The following PPARG variants were observed in gnomAD, a reference collection of about 807,000 sequenced individuals.
PPARG encodes the protein peroxisome proliferator activated receptor gamma.
In PPARG, 17 loss-of-function variants were observed where a neutral mutation model predicts 39.2. The observed-to-expected ratio is 0.43, with a 90% confidence interval of 0.30 to 0.65. The LOEUF (loss-of-function observed/expected upper bound fraction) is 0.65, where lower values mean the gene tolerates loss of function less well. PPARG is among the 30% of genes least tolerant of loss of function. PPARG has a pLI of 0.13. For synonymous variants in PPARG, 223 were observed against 215.7 expected (o/e 1.03, Z -0.30); for missense variants, 406 against 585.9 (o/e 0.69, Z 3.17).
At chr3:12,288,232 C>A (rs1349143740), upstream of PPARG, among the ~76,000 whole-genome samples, 1 of 151,466 alleles carries the variant, frequency 6.6e-6, no homozygotes, top group East Asian at 2.0e-4. Context: ...CCGGCAGGAC[C>A]CGGACTGACG....
At chr3:12,347,336 A>G (rs1414073378) in intron 2 of PPARG, among the ~76,000 whole-genome samples, 5 of 152,174 alleles carry the variant, frequency 3.3e-5, no homozygotes, top group East Asian at 1.9e-4. Flanking sequence ...TTTTAATTTA[A>G]AAAATTTTCC....
At chr3:12,412,754 T>A (rs1217369889) in intron 6 of PPARG, among the ~76,000 whole-genome samples, 1 of 152,216 alleles carries the variant, frequency 6.6e-6, no homozygotes, top group Non-Finnish European at 1.5e-5. Flanking sequence ...TTTATTCTCA[T>A]AATTTGTAAT....
intron 2 of PPARG, among the ~76,000 whole-genome samples, chr3:12,329,788 A>C (rs2047798797): frequency 6.6e-6 from 1 of 151,990 alleles, no homozygotes; most frequent in East Asian, 1.9e-4. Context: ...CTAAACAACA[A>C]CTCCACATCA....
rs571161243 is a variant in PPARG at position 12,348,174 on chromosome 3, A to T, written c.-8-31530A>T. ...AGTATTTAATATTCTATATTATGGG[A>T]ATATTTTATGTAAGTCATCCCAACA... On this transcript the variant is annotated intron_variant, in intron 2 of 7. Coordinates refer to ENST00000651735, the MANE Select transcript of PPARG (RefSeq NM_138711.6). Among the ~76,000 whole-genome samples, 5 of 152,288 alleles carry T rather than the reference A, an allele frequency of 3.3e-5. No individual in the cohort carries two copies. The South Asian group carries it at 1.0e-3, about 32-fold the overall frequency.
intron 2 of PPARG, chr3:12,372,242 A>G: frequency 1.4e-6 from 1 of 696,280 alleles, no homozygotes; most frequent in South Asian, 1.5e-5. Flanking sequence ...GATTTGTTGG[A>G]ACTGTTAAAT....
rs367723779 is a variant in PPARG at position 12,433,958 on chromosome 3, C to T, written c.1241C>T (p.Ala414Val). The T allele has an allele frequency of 2.5e-6, 4 of 1,614,110 alleles. No homozygotes were observed. The highest frequency in any genetic ancestry group is 2.5e-6 in the Non-Finnish European group (3 of 1,180,046). Residue 414 changes from alanine to valine, a missense_variant, in exon 8 of 8, where the codon GCC becomes GTC. This residue lies in a region of PPARG where 275 missense variants were observed against 458.0 expected (regional missense o/e 0.60). Coordinates refer to ENST00000651735, the MANE Select transcript of PPARG (RefSeq NM_138711.6). ...IEDIQDNLLQ[A>V]LELQLKLNHP... ...GACATTCAAGACAACCTGCTACAAG[C>T]CCTGGAGCTCCAGCTGAAGCTGAAC...
intron 3 of PPARG, 110 bp downstream of exon 3, chr3:12,380,041 C>A: frequency 1.1e-6 from 1 of 940,562 alleles, no homozygotes; most frequent in Non-Finnish European, 1.7e-6. Flanking sequence ...ATAGAGAAGG[C>A]ATTCACCATT....
intron 2 of PPARG, among the ~76,000 whole-genome samples, chr3:12,320,781 G>A (rs914401055): frequency 3.5e-4 from 54 of 152,358 alleles, no homozygotes; most frequent in African/African-American, 1.3e-3. Flanking sequence ...TCAGGTGGCT[G>A]AAGCAGGAGG....
At chr3:12,328,815 C>T (rs1247681481) in intron 2 of PPARG, among the ~76,000 whole-genome samples, 1 of 152,234 alleles carries the variant, frequency 6.6e-6, no homozygotes, top group Non-Finnish European at 1.5e-5. Flanking sequence ...GAAGAAAGAA[C>T]AGACGTTCAC....
At chr3:12,363,025 T>C (rs2048902424) in intron 2 of PPARG, among the ~76,000 whole-genome samples, 1 of 152,116 alleles carries the variant, frequency 6.6e-6, no homozygotes, top group Admixed American at 6.6e-5. Context: ...GCTCAAGTGA[T>C]CCTCCCACCT....
chr3:12,373,467 G>A (rs539692492), intron 2 of PPARG, among the ~76,000 whole-genome samples: 4 of 152,098 alleles, frequency 2.6e-5, no homozygotes, highest in Non-Finnish European at 5.9e-5. Context: ...AATATACATC[G>A]TTAAGGGGAA....
intron 7 of PPARG, among the ~76,000 whole-genome samples, chr3:12,431,875 G>A (rs34241217): frequency 0.16 from 25,020 of 152,046 alleles, 2,263 homozygotes; most frequent in Admixed American, 0.25. Flanking sequence ...AGGAGTTGGA[G>A]GCTGCAGTGA....
intron 2 of PPARG, among the ~76,000 whole-genome samples, chr3:12,375,884 T>G (rs554463297): frequency 6.6e-6 from 1 of 152,290 alleles, no homozygotes; most frequent in African/African-American, 2.4e-5. Context: ...ATACGGTACC[T>G]AATTAGTCCT....
At chr3:12,333,358 T>A (rs757902213) in intron 2 of PPARG, among the ~76,000 whole-genome samples, 6 of 152,216 alleles carry the variant, frequency 3.9e-5, no homozygotes, top group African/African-American at 4.8e-5. Context: ...CACTGGCATG[T>A]GGTAATGTAG....
At chr3:12,392,061 CAAT>C (rs1379529786) in intron 4 of PPARG, among the ~76,000 whole-genome samples, 2 of 152,086 alleles carry the variant, frequency 1.3e-5, no homozygotes, top group Non-Finnish European at 2.9e-5. Context: ...TAAGCCACAA[CAAT>C]GATGGGGCAC....
At chr3:12,350,502 G>A (rs1210977257) in intron 2 of PPARG, among the ~76,000 whole-genome samples, 2 of 152,174 alleles carry the variant, frequency 1.3e-5, no homozygotes, top group African/African-American at 2.4e-5. Flanking sequence ...ATACTGCCCT[G>A]TGTGGGGGCG....
rs1433727193 is a variant in PPARG at position 12,307,124 on chromosome 3, G to A, written c.-82-5256G>A. 3.5e-5 allele frequency among the ~76,000 whole-genome samples: 5 copies of A among 141,490 alleles called. No individual in the cohort carries two copies. The East Asian group carries it at 6.2e-4, about 18-fold the overall frequency. 92.8% of individuals were successfully genotyped at this position (141,490 alleles called of 152,430 possible). On this transcript the variant is annotated intron_variant, in intron 1 of 7. Coordinates refer to ENST00000651735, the MANE Select transcript of PPARG (RefSeq NM_138711.6). ...AAAAAAAAAAAAAAAAAAATCAACC[G>A]CTGTTAGGAAATTCTTTTTTTTTTT...
chr3:12,372,000 A>G (rs1418744229), intron 2 of PPARG: 3 of 716,778 alleles, frequency 4.2e-6, no homozygotes, highest in Non-Finnish European at 5.2e-6. Context: ...CACAGTTATG[A>G]GTACCATGAC....
intron 6 of PPARG, among the ~76,000 whole-genome samples, chr3:12,407,322 A>T (rs1167942332): frequency 6.6e-6 from 1 of 152,046 alleles, no homozygotes; most frequent in Non-Finnish European, 1.5e-5. Flanking sequence ...CACCATGCCC[A>T]GCTAATTTTT....
Sources: gnomAD v4.1 joint callset for allele counts (sites outside exome capture counted in the v4.1 genomes callset) on GRCh38, gnomAD v4.1.1 for gene constraint, gnomAD v4.1.1 regional missense constraint, MANE v1.5 for transcripts, NCBI Gene and HGNC (gene_info 2026-07-23, HGNC 2026-07-21) for gene names.